Variants in CCSER1 observed in about 807,000 individuals in gnomAD.
The protein encoded by CCSER1 is coiled-coil serine rich protein 1, also known as serine-rich coiled-coil domain-containing protein 1.
In CCSER1, 41 loss-of-function variants were observed where a neutral mutation model predicts 82.0. The ratio of observed to expected loss-of-function variants is 0.50; its 90% confidence interval spans 0.39 to 0.65. CCSER1 has a LOEUF of 0.65. Ranked by LOEUF, CCSER1 falls within the 30% of genes least tolerant of loss-of-function variation. CCSER1 has a pLI of 0.00. For missense variants in CCSER1, 1,119 were observed against 1,064.2 expected (o/e 1.05, Z -0.72); for synonymous variants, 414 against 383.9 (o/e 1.08, Z -0.92).
chr4:91,352,778 A>G (rs191103081), intron 10 of CCSER1, among the ~76,000 whole-genome samples: 1 of 152,342 alleles, frequency 6.6e-6, no homozygotes, highest in Non-Finnish European at 1.5e-5. Context: ...CTAACAAAAT[A>G]TATTAAGAAT....
chr4:90,549,080 A>G (rs1777144307), intron 5 of CCSER1, among the ~76,000 whole-genome samples: 2 of 152,272 alleles, frequency 1.3e-5, no homozygotes, highest in Admixed American at 6.5e-5. Flanking sequence ...ATTTTGCAGT[A>G]TATAATATGT....
chr4:90,380,440 A>G (rs1749028354), intron 3 of CCSER1, among the ~76,000 whole-genome samples: 1 of 152,170 alleles, frequency 6.6e-6, no homozygotes, highest in Admixed American at 6.5e-5. Flanking sequence ...TTGATATGAT[A>G]TCATTATTGG....
chr4:91,169,712 T>A (rs1244672023), intron 10 of CCSER1, among the ~76,000 whole-genome samples: 7 of 152,062 alleles, frequency 4.6e-5, no homozygotes, highest in Non-Finnish European at 8.8e-5. Flanking sequence ...ATGCTACATT[T>A]TCTTGGTGCA....
At chr4:90,328,013 C>T (rs1365767686) in intron 3 of CCSER1, among the ~76,000 whole-genome samples, 2 of 152,140 alleles carry the variant, frequency 1.3e-5, no homozygotes, top group East Asian at 3.8e-4. Context: ...GAGGCTTCTT[C>T]ACACCCACAC....
intron 5 of CCSER1, among the ~76,000 whole-genome samples, chr4:90,549,999 T>C (rs1239623851): frequency 6.6e-6 from 1 of 151,714 alleles, no homozygotes; most frequent in African/African-American, 2.4e-5. Flanking sequence ...AAGATTATTG[T>C]GGTGACAAGA....
rs999284868 is a variant in CCSER1, at chr4:91,527,984, G to A, written c.2218-70588G>A. Among the ~76,000 whole-genome samples the A allele has an allele frequency of 9.9e-5, 15 of 152,018 alleles. No homozygotes were observed. The South Asian group carries it at 1.2e-3, about 13-fold the overall frequency. ...GGCTGGAGTGCAGTGTCGCGATCTC[G>A]GCTCCCTGCAACCTCCACTTCCCAG... On this transcript the variant is annotated intron_variant, in intron 10 of 10. Transcript: ENST00000509176.
chr4:90,605,049 T>TTGC (rs745794634), intron 5 of CCSER1, among the ~76,000 whole-genome samples: 6 of 152,204 alleles, frequency 3.9e-5, no homozygotes, highest in Non-Finnish European at 8.8e-5. Flanking sequence ...GCAGTAAATG[T>TTGC]TGCTGCTGCT....
intron 10 of CCSER1, among the ~76,000 whole-genome samples, chr4:91,440,401 T>C (rs887272211): frequency 6.6e-6 from 1 of 152,196 alleles, no homozygotes; most frequent in African/African-American, 2.4e-5. Flanking sequence ...GAAATAAAGA[T>C]GTTCTTTGAA....
intron 10 of CCSER1, among the ~76,000 whole-genome samples, chr4:91,593,071 A>G (rs892454340): frequency 2.0e-5 from 3 of 152,194 alleles, no homozygotes; most frequent in Non-Finnish European, 2.9e-5. Flanking sequence ...AAATTCTATC[A>G]TCACATCATC....
chr4:90,911,765 C>G (rs111424114), intron 8 of CCSER1, among the ~76,000 whole-genome samples: 1 of 152,144 alleles, frequency 6.6e-6, no homozygotes, highest in African/African-American at 2.4e-5. Context: ...CCTGGAAAAT[C>G]GGGTCACTCC....
chr4:90,177,070 CT>C (rs1190122502), intron 1 of CCSER1, among the ~76,000 whole-genome samples: 2 of 152,048 alleles, frequency 1.3e-5, no homozygotes. Context: ...AAAATGCCCT[CT>C]TGTAAAATTT....
chr4:90,591,423 CAT>C (rs1379316338), intron 5 of CCSER1, among the ~76,000 whole-genome samples: 3 of 152,070 alleles, frequency 2.0e-5, no homozygotes, highest in Non-Finnish European at 4.4e-5. Context: ...GGCCAGCAAA[CAT>C]ATGAAAAAAA....
rs543555968 is a variant in CCSER1, at chr4:90,613,436, A to C, written c.1725-14589A>C. On this transcript the variant is annotated intron_variant, in intron 5 of 10. Coordinates refer to ENST00000509176, the MANE Select transcript of CCSER1 (RefSeq NM_001145065.2). Reference sequence around the variant, plus strand: ...TCCTTTCAAGAGGTGGGCATCTCACAAGTTCATGAATCTGACCATGGGTGG... The same window carrying C: ...TCCTTTCAAGAGGTGGGCATCTCACCAGTTCATGAATCTGACCATGGGTGG... Among the ~76,000 whole-genome samples, 44 of 152,278 alleles carry C rather than the reference A, an allele frequency of 2.9e-4. No homozygotes were observed. In the South Asian group the frequency reaches 7.2e-3, roughly 25 times the overall value.
chr4:90,916,245 C>T (rs565707539), intron 8 of CCSER1, among the ~76,000 whole-genome samples: 1,635 of 152,178 alleles, frequency 0.011, 17 homozygotes, highest in Non-Finnish European at 0.016. Context: ...GGAGGCATCG[C>T]GCTACCTGAC....
chr4:90,499,230 C>T (rs1769472745), intron 5 of CCSER1, among the ~76,000 whole-genome samples: 1 of 151,844 alleles, frequency 6.6e-6, no homozygotes, highest in Admixed American at 6.6e-5. Context: ...TAATTTGGTA[C>T]TGTCTTTTAA....
intron 1 of CCSER1, among the ~76,000 whole-genome samples, chr4:90,295,318 C>A (rs1579013358): frequency 6.6e-6 from 1 of 151,904 alleles, no homozygotes; most frequent in African/African-American, 2.4e-5. Context: ...ATATATACTA[C>A]TTTTTCACCA....
At chr4:90,725,231 G>T (rs142421461) in intron 7 of CCSER1, among the ~76,000 whole-genome samples, 5 of 151,500 alleles carry the variant, frequency 3.3e-5, no homozygotes, top group Non-Finnish European at 5.9e-5. Context: ...TCAAAACTTC[G>T]CCAGAAACCA....
chr4:90,567,037 C>CA (rs142427787), intron 5 of CCSER1, among the ~76,000 whole-genome samples: 1,833 of 150,744 alleles, frequency 0.012, 17 homozygotes, highest in Middle Eastern at 0.027. Flanking sequence ...AAAACAAAAA[C>CA]AAAAAAACCT....
intron 10 of CCSER1, among the ~76,000 whole-genome samples, chr4:91,243,802 A>G (rs1739558866): frequency 6.6e-6 from 1 of 152,194 alleles, no homozygotes; most frequent in Non-Finnish European, 1.5e-5. Flanking sequence ...CCTCTGAGAC[A>G]TGCTGGCTTC....
Sources: gnomAD v4.1 joint callset for allele counts (sites outside exome capture counted in the v4.1 genomes callset) on GRCh38, gnomAD v4.1.1 for gene constraint, MANE v1.5 for transcripts, NCBI Gene and HGNC (gene_info 2026-07-23, HGNC 2026-07-21) for gene names.